Variants in NXNL2 observed in about 807,000 individuals in gnomAD.
The protein encoded by NXNL2 is nucleoredoxin like 2.
In NXNL2, 7 loss-of-function variants were observed where a neutral mutation model predicts 11.1. The ratio of observed to expected loss-of-function variants is 0.63; its 90% CI spans 0.36 to 1.18. NXNL2 has a LOEUF of 1.18. Ranked by LOEUF, NXNL2 falls within the 50% of genes most tolerant of loss-of-function variation. The pLI, the probability that NXNL2 is intolerant of heterozygous loss-of-function variation, is 0.02. For missense variants in NXNL2, 233 were observed against 217.7 expected (o/e 1.07, Z -0.44); for synonymous variants, 109 against 101.8 (o/e 1.07, Z -0.42).
chr9:88,576,021 C>G (rs147850810), downstream of NXNL2, among the ~76,000 whole-genome samples: 1 of 152,052 alleles, frequency 6.6e-6, no homozygotes, highest in Non-Finnish European at 1.5e-5. Flanking sequence ...GGTGAAATCC[C>G]GTCTCTACTA....
At chr9:88,560,963 T>A (rs753982384) in intron 1 of NXNL2, among the ~76,000 whole-genome samples, 19 of 152,170 alleles carry the variant, frequency 1.2e-4, no homozygotes, top group Admixed American at 5.2e-4. Context: ...TGCAACATTA[T>A]CTTTATGCAA....
At chr9:88,537,273 T>C (rs1829645356) in intron 1 of NXNL2, among the ~76,000 whole-genome samples, 2 of 152,200 alleles carry the variant, frequency 1.3e-5, no homozygotes, top group African/African-American at 4.8e-5. Flanking sequence ...GGACCCTCTT[T>C]CTGCCGTGCC....
At chr9:88,538,208 A>C (rs1415099039) in intron 1 of NXNL2, among the ~76,000 whole-genome samples, 2 of 152,188 alleles carry the variant, frequency 1.3e-5, no homozygotes, top group African/African-American at 4.8e-5. Context: ...GGCTGCCAGC[A>C]TGGGGATTTG....
At position 88,535,675 on chromosome 9, in the gene NXNL2, G is replaced by A. The variant is rs369072859; in HGVS notation, c.241G>A (p.Asp81Asn). ...CGACGGCAGCTCCCAGGAGATGCTG[G>A]ACTTCATGCGCGAGCTGCATGGCGC... The part of the protein sequence containing the change: ...SADGSSQEML[D>N]FMRELHGAWL... Residue 81 changes from aspartate to asparagine, a missense_variant, in exon 1 of 2, where the codon GAC (aspartate) becomes AAC (asparagine). Coordinates refer to ENST00000375854, the MANE Select transcript of NXNL2 (RefSeq NM_001161625.2). 3.1e-6 allele frequency: 5 copies of A among 1,605,282 alleles called. No homozygotes were observed. The African/African-American group carries it at 6.7e-5, about 21-fold the overall frequency.
chr9:88,579,263 C>T (rs1830383401), downstream of NXNL2, among the ~76,000 whole-genome samples: 1 of 152,206 alleles, frequency 6.6e-6, no homozygotes, highest in Non-Finnish European at 1.5e-5. Context: ...AAACATGGCT[C>T]TCTTGGTTGC....
At chr9:88,549,218 C>G (rs1829893932), downstream of NXNL2, among the ~76,000 whole-genome samples, 1 of 152,182 alleles carries the variant, frequency 6.6e-6, no homozygotes, top group Non-Finnish European at 1.5e-5. Flanking sequence ...TTGAAGAAAC[C>G]TGTGCTGAAG....
At position 88,544,457 on chromosome 9, in the gene NXNL2, C is replaced by T. The variant is rs1176073138; in HGVS notation, c.381C>T (p.Asn127=). The stretch of plus-strand genomic sequence containing the variant: ...AACAAAATGGGGAGGTCATCACCAA[C>T]AAAGGGCGGAAGCAGATCCGGGAAC... ...IVKQNGEVIT[N]KGRKQIRERG... The change falls in exon 2 of 2, where the codon AAC becomes AAT. Residue 127 remains asparagine, a synonymous_variant. Transcript: ENST00000375854. The T allele has an allele frequency of 6.4e-7, 1 of 1,551,806 alleles. No homozygotes were observed. The highest frequency in any genetic ancestry group is 8.7e-7 in the Non-Finnish European group (1 of 1,147,000).
At position 88,551,030 on chromosome 9, in the gene NXNL2, G is replaced by A. The variant is rs1247028478; in HGVS notation, c.302+15294G>A. On this transcript the variant is annotated intron_variant, in intron 1 of 2. Coordinates refer to the NXNL2 transcript ENST00000375855. The stretch of plus-strand genomic sequence containing the variant: ...ATGTTCCTTTATTTCCATGCTTGTC[G>A]GGGGTGGCAGGCCTCCAAGAGGGGT... Among the ~76,000 whole-genome samples, 3 of 152,062 alleles carry A rather than the reference G, an allele frequency of 2.0e-5. 1 individual carries two copies. Among genetic ancestry groups the A allele is most frequent in the East Asian group, 3.9e-4 (2 of 5,186 alleles).
downstream of NXNL2, among the ~76,000 whole-genome samples, chr9:88,577,470 T>G (rs1830361713): frequency 1.3e-5 from 2 of 151,994 alleles, no homozygotes; most frequent in Admixed American, 1.3e-4. Flanking sequence ...TACCACAGGC[T>G]GGGGGCTCAA....
chr9:88,550,595 A>T (rs1488698897), intron 1 of NXNL2, among the ~76,000 whole-genome samples: 1 of 152,234 alleles, frequency 6.6e-6, no homozygotes, highest in African/African-American at 2.4e-5. Context: ...GGTCATAGGT[A>T]GATTCAAAGA....
intron 1 of NXNL2, among the ~76,000 whole-genome samples, chr9:88,550,160 C>T (rs547300414): frequency 1.6e-4 from 24 of 152,308 alleles, no homozygotes; most frequent in Non-Finnish European, 3.1e-4. Context: ...AGAGCTCAGT[C>T]ACTATTGCAA....
At chr9:88,563,643 T>C (rs1459702926) in intron 1 of NXNL2, among the ~76,000 whole-genome samples, 1 of 152,154 alleles carries the variant, frequency 6.6e-6, no homozygotes, top group African/African-American at 2.4e-5. Flanking sequence ...TGCTTCTCAG[T>C]GCCTTTAGAC....
rs1829821452 is a variant in NXNL2, at chr9:88,544,523, T to C, written c.447T>C (p.Asp149=). 4.5e-6 allele frequency: 7 copies of C among 1,543,810 alleles called. No individual in the cohort carries two copies. The highest frequency in any genetic ancestry group is 5.2e-6 in the Non-Finnish European group (6 of 1,142,940). The change falls in exon 2 of 2, where the codon GAT becomes GAC. Residue 149 remains aspartate, a synonymous_variant. Coordinates refer to ENST00000375854, the MANE Select transcript of NXNL2 (RefSeq NM_001161625.2). ...ACFQDWVEAA[D]IFQNFSV is the part of the protein sequence containing the mutation. ...TCCAGGACTGGGTGGAGGCGGCCGA[T>C]ATCTTCCAGAATTTCTCCGTTTGAA...
exon 2 of NXNL2, chr9:88,571,124 G>A: frequency 2.5e-6 from 1 of 399,172 alleles, no homozygotes; most frequent in South Asian, 1.8e-5. Flanking sequence ...GGAGTGCAGT[G>A]GCGTGATCTT....
At position 88,571,734 on chromosome 9, in the gene NXNL2, C is replaced by G. The variant is rs555610628; in HGVS notation, c.*16+526C>G. On this transcript the variant is annotated intron_variant, in intron 2 of 2. Coordinates refer to the NXNL2 transcript ENST00000375855. The stretch of plus-strand genomic sequence containing the variant: ...GTGTAATTCACCAAGAGCTTTGCTC[C>G]GTCAGGAGGAGGGGCCCAGTCCCAC... Among the ~76,000 whole-genome samples, 631 of 152,244 alleles carry G rather than the reference C, an allele frequency of 4.1e-3. 2 individuals are homozygous for G. The highest frequency in any genetic ancestry group is 0.01 in the Middle Eastern group (3 of 294).
intron 1 of NXNL2, among the ~76,000 whole-genome samples, chr9:88,568,328 A>C (rs1454936173): frequency 1.3e-5 from 2 of 152,190 alleles, no homozygotes; most frequent in Non-Finnish European, 2.9e-5. Context: ...TGAGAACTTC[A>C]GCTTTCCTCT....
intron 1 of NXNL2, among the ~76,000 whole-genome samples, chr9:88,564,252 A>G (rs1830131041): frequency 7.4e-6 from 1 of 134,336 alleles, no homozygotes; most frequent in South Asian, 2.6e-4. Flanking sequence ...CTATCTATCT[A>G]TCTATCTATC....
intron 1 of NXNL2, among the ~76,000 whole-genome samples, chr9:88,570,836 G>T (rs1010064635): frequency 1.3e-5 from 2 of 151,970 alleles, no homozygotes; most frequent in African/African-American, 4.8e-5. Flanking sequence ...TCCGCCTCCT[G>T]GGTTCAAACG....
chr9:88,569,637 G>A (rs948566056), intron 1 of NXNL2, among the ~76,000 whole-genome samples: 1 of 152,006 alleles, frequency 6.6e-6, no homozygotes, highest in Non-Finnish European at 1.5e-5. Context: ...TGCACTTATT[G>A]TTATTAAGTG....
Sources: allele counts gnomAD v4.1 joint callset (sites outside exome capture counted in the v4.1 genomes callset), GRCh38; gene constraint gnomAD v4.1.1; transcripts MANE v1.5; gene names NCBI Gene and HGNC (gene_info 2026-07-23, HGNC 2026-07-21).